NDUFAF1: variants seen among roughly 807,000 people sequenced by gnomAD.
NDUFAF1 encodes the protein complex I intermediate-associated protein 30, mitochondrial.
Under a neutral mutation model 28.7 loss-of-function variants are expected in NDUFAF1, and 18 were observed. The observed-to-expected ratio is 0.63, with a 90% confidence interval of 0.43 to 0.93. The LOEUF (loss-of-function observed/expected upper bound fraction) is 0.93. Among genes scored for constraint, NDUFAF1 ranks in the 40% least tolerant of loss-of-function variants. NDUFAF1 has a pLI of 0.00. For missense variants in NDUFAF1, 404 were observed against 398.3 expected (o/e 1.01, Z -0.12); for synonymous variants, 113 against 139.7 (o/e 0.81, Z 1.35).
chr15:41,388,562 G>A (rs969508672), intron 3 of NDUFAF1, 40 bp from the exon 4 acceptor site: 1 of 1,253,844 alleles, frequency 8.0e-7, no homozygotes, highest in South Asian at 1.2e-5. Flanking sequence ...TGAAATGTAA[G>A]CAATTGAGGC....
At position 41,402,251 on chromosome 15, in the gene NDUFAF1, C is replaced by T. The variant is rs2050473311; in HGVS notation, c.-189G>A. The T allele has an allele frequency of 2.2e-6, 1 of 454,140 alleles. No homozygotes were observed. Among genetic ancestry groups the T allele is most frequent in the East Asian group, 6.9e-5 (1 of 14,396 alleles). The allele number at this position is 454,140 out of a possible 1,614,324, so 28.1% of individuals were successfully genotyped here. A position where few individuals can be genotyped will look rare whatever the true frequency, so the allele number is the denominator to read the frequency against. On this transcript the variant is annotated 5_prime_UTR_variant, in exon 1 of 5. Coordinates refer to ENST00000260361, the MANE Select transcript of NDUFAF1 (RefSeq NM_016013.4). ...AGACGAAGAAACTGACGTTCCAAGG[C>T]TAATTTACCCGAGGTCACACAGGTA...
At chr15:41,396,405 C>T in intron 2 of NDUFAF1, 82 bp downstream of exon 2, 1 of 1,393,374 alleles carries the variant, frequency 7.2e-7, no homozygotes. Flanking sequence ...TTTACAGAAA[C>T]AAAAGCTATC....
chr15:41,398,758 C>T (rs567712293), intron 1 of NDUFAF1, among the ~76,000 whole-genome samples: 1 of 152,026 alleles, frequency 6.6e-6, no homozygotes, highest in Admixed American at 6.6e-5. Context: ...AGTTCAAGAC[C>T]AGCCTGGCCA....
chr15:41,388,045 G>C (rs1362124392), intron 4 of NDUFAF1, among the ~76,000 whole-genome samples: 1 of 152,150 alleles, frequency 6.6e-6, no homozygotes, highest in Non-Finnish European at 1.5e-5. Flanking sequence ...GGGAGGTAGA[G>C]GTTGCAGTGA....
chr15:41,400,614 C>T (rs1224505894), intron 1 of NDUFAF1, among the ~76,000 whole-genome samples: 1 of 151,654 alleles, frequency 6.6e-6, no homozygotes, highest in Non-Finnish European at 1.5e-5. Flanking sequence ...GCTCCGCCTC[C>T]CGGGTTCACG....
At chr15:41,395,669 CTTTTTTTTTTTTT>C (rs11318328) in intron 2 of NDUFAF1, among the ~76,000 whole-genome samples, 1 of 63,192 alleles carries the variant, frequency 1.6e-5, no homozygotes, top group South Asian at 7.6e-4. Context: ...TGCGCCCGGC[CTTTTTTTTTTTTT>C]TTTTTTTTTG....
At chr15:41,400,049 G>A (rs550594164) in intron 1 of NDUFAF1, among the ~76,000 whole-genome samples, 5 of 148,370 alleles carry the variant, frequency 3.4e-5, no homozygotes, top group African/African-American at 1.2e-4. Flanking sequence ...AACAGAGCAG[G>A]ACTCTGTCTA....
chr15:41,387,837 C>T (rs1426299898), intron 4 of NDUFAF1, among the ~76,000 whole-genome samples: 2 of 152,114 alleles, frequency 1.3e-5, no homozygotes, highest in East Asian at 3.8e-4. Flanking sequence ...GAAGGACGGC[C>T]GGGCGTCGTG....
chr15:41,401,853 A>G (rs184720289), intron 1 of NDUFAF1, among the ~76,000 whole-genome samples: 1 of 152,360 alleles, frequency 6.6e-6, no homozygotes, highest in Non-Finnish European at 1.5e-5. Flanking sequence ...TATGGATAAT[A>G]TTTAAATTCC....
At chr15:41,395,886 A>C (rs1245946746) in intron 2 of NDUFAF1, among the ~76,000 whole-genome samples, 1 of 151,572 alleles carries the variant, frequency 6.6e-6, no homozygotes, top group Non-Finnish European at 1.5e-5. Context: ...TCAGGAGTTC[A>C]AGACCAGCCT....
chr15:41,391,147 AATTC>A (rs1428301656), intron 3 of NDUFAF1, among the ~76,000 whole-genome samples: 2 of 151,994 alleles, frequency 1.3e-5, no homozygotes, highest in Admixed American at 1.3e-4. Context: ...TTTGTATAAT[AATTC>A]ATTATATATA....
chr15:41,400,868 A>G (rs2050453359), intron 1 of NDUFAF1, among the ~76,000 whole-genome samples: 1 of 151,464 alleles, frequency 6.6e-6, no homozygotes, highest in Non-Finnish European at 1.5e-5. Context: ...ACCCTGATAT[A>G]TATTATCTCA....
intron 3 of NDUFAF1, chr15:41,394,380 A>G (rs1298994621): frequency 2.3e-6 from 3 of 1,288,848 alleles, no homozygotes; most frequent in Non-Finnish European, 2.0e-6. Flanking sequence ...GAAATGGCAG[A>G]AACTTCTAAA....
At position 41,402,277 on chromosome 15, in the gene NDUFAF1, G is replaced by C; in HGVS notation, c.-215C>G. 2 of 454,136 alleles carry C rather than the reference G, an allele frequency of 4.4e-6. No individual in the cohort carries two copies. The highest frequency in any genetic ancestry group is 8.8e-6 in the Non-Finnish European group (2 of 226,790). 28.1% of individuals were successfully genotyped at this position (454,136 alleles called of 1,614,324 possible). On this transcript the variant is annotated 5_prime_UTR_variant, in exon 1 of 5. Transcript: ENST00000260361. ...TAATTTACCCGAGGTCACACAGGTA[G>C]TGAGTGGCAAAATTCTTCCGCCTTG...
chr15:41,389,249 A>ATT (rs749169325), intron 3 of NDUFAF1, among the ~76,000 whole-genome samples: 3 of 117,126 alleles, frequency 2.6e-5, no homozygotes, highest in African/African-American at 1.0e-4. Flanking sequence ...CACCCGGCTA[A>ATT]TTTTTTTTTT....
rs1376379228 is a variant in NDUFAF1 at position 41,394,148 on chromosome 15, C to G, written c.759+711G>C. ...GGTTCAAGCAATTATCCTGCCTTAG[C>G]CTCCCGAGTAGCTGGGATTACAGGC... On this transcript the variant is annotated intron_variant, in intron 3 of 4. Transcript: ENST00000260361. The G allele has an allele frequency of 9.2e-6, 4 of 433,636 alleles. No homozygotes were observed. The Admixed American group carries it at 9.8e-5, about 11-fold the overall frequency. The allele number at this position is 433,636 out of a possible 1,614,324, so 26.9% of individuals were successfully genotyped here.
intron 2 of NDUFAF1, among the ~76,000 whole-genome samples, chr15:41,395,410 C>T (rs1291642402): frequency 2.0e-5 from 3 of 150,792 alleles, no homozygotes; most frequent in East Asian, 3.9e-4. Context: ...TGCTCTGTCA[C>T]CCAGGCTGGA....
intron 1 of NDUFAF1, among the ~76,000 whole-genome samples, chr15:41,397,974 A>G: frequency 6.7e-6 from 1 of 149,620 alleles, no homozygotes; most frequent in East Asian, 2.0e-4. Flanking sequence ...GCAGTGAGCC[A>G]AGATCGTGCC....
rs1195998514 is a variant in NDUFAF1, at chr15:41,397,596, G to A, written c.-81-456C>T. 2.6e-5 allele frequency among the ~76,000 whole-genome samples: 4 copies of A among 152,046 alleles called. No homozygotes were observed. In the East Asian group the frequency reaches 7.7e-4, roughly 29 times the overall value. On this transcript the variant is annotated intron_variant, in intron 1 of 4. Coordinates refer to ENST00000260361, the MANE Select transcript of NDUFAF1 (RefSeq NM_016013.4). ...GGGTGGATCACGAGGTCAGGAAATC[G>A]AGACCATCCTGGCTAACACGGTGAA...
Sources: gnomAD v4.1 joint callset for allele counts (sites outside exome capture counted in the v4.1 genomes callset) on GRCh38, gnomAD v4.1.1 for gene constraint, MANE v1.5 for transcripts, NCBI Gene and HGNC (gene_info 2026-07-23, HGNC 2026-07-21) for gene names.